Variants in EP300 observed in about 807,000 individuals in gnomAD.
EP300 encodes histone acetyltransferase p300.
In EP300, 31 loss-of-function variants were observed where a neutral mutation model predicts 264.0. The observed-to-expected ratio is 0.12, with a 90% CI of 0.09 to 0.16. The LOEUF is 0.16. EP300 is among the 10% of genes least tolerant of loss of function. The pLI, the probability that EP300 is intolerant of heterozygous loss-of-function variation, is 1.00. For missense variants in EP300, 2,766 were observed against 3,052.9 expected (o/e 0.91, Z 2.21); for synonymous variants, 1,340 against 1,045.4 (o/e 1.28, Z -5.44).
chr22:41,179,957 A>C lies in EP300; in HGVS notation c.*1001A>C, dbSNP rs975026739. 4 of 225,024 alleles carry C rather than the reference A, an allele frequency of 1.8e-5. No individual in the cohort carries two copies. In the South Asian group the frequency reaches 5.6e-4, roughly 31 times the overall value. The allele number at this position is 225,024 out of a possible 1,614,324, so 13.9% of individuals were successfully genotyped here. A position where few individuals can be genotyped will look rare whatever the true frequency, so the allele number is the denominator to read the frequency against. Reference sequence around the variant, plus strand: ...AAACTTGAAAATAGCAAAAACCCTCAACTGTTGTAAATCATGCAATTAAAG... The same window carrying C: ...AAACTTGAAAATAGCAAAAACCCTCCACTGTTGTAAATCATGCAATTAAAG... On this transcript the variant is annotated 3_prime_UTR_variant, in exon 31 of 31. Transcript: ENST00000263253.
rs564268006 is a variant in EP300, at chr22:41,157,246, G to A, written c.3339G>A (p.Glu1113=). The part of the protein sequence containing the change: ...KRKLDTGQYQ[E]PWQYVDDIWL... ...AGTTAGACACTGGACAGTATCAGGAGCCCTGGCAGTATGTCGATGATATTT... is the reference window on the plus strand; with the variant it reads ...AGTTAGACACTGGACAGTATCAGGAACCCTGGCAGTATGTCGATGATATTT... Residue 1113 remains glutamate, a synonymous_variant, in exon 18 of 31, where the codon GAG becomes GAA. Transcript: ENST00000263253. 31 of 1,614,154 alleles carry A rather than the reference G, an allele frequency of 1.9e-5. No individual in the cohort carries two copies. The South Asian group carries it at 2.4e-4, about 13-fold the overall frequency.
chr22:41,168,133 T>G, intron 23 of EP300: 1 of 376,172 alleles, frequency 2.7e-6, no homozygotes. Context: ...CTGTTCTGTA[T>G]TTTTATAAAC....
intron 1 of EP300, among the ~76,000 whole-genome samples, chr22:41,099,497 C>T (rs2058719652): frequency 6.6e-6 from 1 of 152,200 alleles, no homozygotes; most frequent in African/African-American, 2.4e-5. Context: ...AATGCCTTTT[C>T]CATCTTAACT....
intron 29 of EP300, among the ~76,000 whole-genome samples, chr22:41,175,320 T>C (rs550759209): frequency 3.9e-5 from 6 of 152,348 alleles, no homozygotes; most frequent in South Asian, 4.1e-4. Flanking sequence ...TAATCTGTTA[T>C]CAGTACAGCA....
chr22:41,096,991 C>CTA (rs2058706179), intron 1 of EP300, among the ~76,000 whole-genome samples: 1 of 152,128 alleles, frequency 6.6e-6, no homozygotes, highest in East Asian at 1.9e-4. Flanking sequence ...TGATCAAGAC[C>CTA]ATTTATTTTC....
At chr22:41,119,720 G>A (rs1170487932) in intron 2 of EP300, among the ~76,000 whole-genome samples, 1 of 152,140 alleles carries the variant, frequency 6.6e-6, no homozygotes, top group Non-Finnish European at 1.5e-5. Flanking sequence ...TTATATAGAA[G>A]TGAGCAAAAC....
intron 2 of EP300, among the ~76,000 whole-genome samples, chr22:41,121,668 G>C (rs1310261632): frequency 1.3e-5 from 2 of 152,148 alleles, no homozygotes; most frequent in Non-Finnish European, 2.9e-5. Flanking sequence ...TCAGGAATTG[G>C]TTGAAATTCA....
chr22:41,109,113 A>G (rs553790463), intron 1 of EP300, among the ~76,000 whole-genome samples: 3 of 152,222 alleles, frequency 2.0e-5, no homozygotes, highest in Admixed American at 6.5e-5. Context: ...CCATCTCAAC[A>G]AAATAAAAAA....
Position 41,150,077 on chromosome 22 carries a change from C to A in EP300, c.2696C>A (p.Pro899His), listed in dbSNP as rs947661982. 1.2e-6 allele frequency: 2 copies of A among 1,613,828 alleles called. No homozygotes were observed. Among genetic ancestry groups the A allele is most frequent in the Non-Finnish European group, 1.7e-6 (2 of 1,180,046 alleles). The change falls in exon 14 of 31, where the codon CCT becomes CAT. Residue 899 changes from proline (P) to histidine (H), a missense_variant. Coordinates refer to ENST00000263253, the MANE Select transcript of EP300 (RefSeq NM_001429.4). ...PTTQLPQQVQPSLPAAPSADQ... is the reference protein window; with the variant it reads ...PTTQLPQQVQHSLPAAPSADQ... ...ACACAACTTCCCCAACAAGTGCAGC[C>A]TTCACTTCCTGCTGCACCTTCTGCT...
At chr22:41,102,713 ATGGAAAGAAG>A (rs1443020325) in intron 1 of EP300, among the ~76,000 whole-genome samples, 1 of 152,182 alleles carries the variant, frequency 6.6e-6, no homozygotes, top group African/African-American at 2.4e-5. Flanking sequence ...ACCACAGAAG[ATGGAAAGAAG>A]TGGAAAGATT....
In EP300 at chr22:41,179,067, G is replaced by A; in HGVS notation, c.*111G>A. ...CGTAGCCTAAAAGACAATTTTCCTT[G>A]GAACACATAAGAACTGTGCAGTAGC... On this transcript the variant is annotated 3_prime_UTR_variant, in exon 31 of 31. Transcript: ENST00000263253. 4.5e-6 allele frequency: 6 copies of A among 1,338,134 alleles called. No individual in the cohort carries two copies. Among genetic ancestry groups the A allele is most frequent in the South Asian group, 3.8e-5 (3 of 78,346 alleles). 82.9% of individuals were successfully genotyped at this position (1,338,134 alleles called of 1,614,324 possible).
rs1350765920 is a variant in EP300 at position 41,177,147 on chromosome 22, G to A, written c.5436G>A (p.Lys1812=). 2 of 1,613,982 alleles carry A rather than the reference G, an allele frequency of 1.2e-6. No homozygotes were observed. The highest frequency in any genetic ancestry group is 1.7e-6 in the Non-Finnish European group (2 of 1,180,022). Residue 1812 remains lysine (K), a synonymous_variant, in exon 31 of 31, where the codon AAG becomes AAA. Coordinates refer to ENST00000263253, the MANE Select transcript of EP300 (RefSeq NM_001429.4). The part of the protein sequence containing the change: ...PVPFCLNIKQ[K]LRQQQLQHRL... ...CGTTCTGCCTAAACATCAAGCAGAA[G>A]CTCCGGCAGCAACAGCTGCAGCACC...
At chr22:41,111,845 CTCTTTTTTTT>C (rs753086506) in intron 1 of EP300, among the ~76,000 whole-genome samples, 11 of 107,716 alleles carry the variant, frequency 1.0e-4, no homozygotes, top group South Asian at 6.9e-4. Context: ...GGACTTTTTT[CTCTTTTTTTT>C]TCTTTTTTAG....
intron 1 of EP300, among the ~76,000 whole-genome samples, chr22:41,098,337 C>G (rs755487194): frequency 6.6e-6 from 1 of 152,096 alleles, no homozygotes; most frequent in Admixed American, 6.5e-5. Context: ...GTTTTTAGAT[C>G]TAGATTCTTT....
At chr22:41,098,594 A>G (rs149008035) in intron 1 of EP300, among the ~76,000 whole-genome samples, 2,697 of 152,248 alleles carry the variant, frequency 0.018, 75 homozygotes, top group African/African-American at 0.062. Flanking sequence ...GATGGTCTCC[A>G]TACACTGACC....
At chr22:41,137,303 T>C (rs537354280) in intron 7 of EP300, among the ~76,000 whole-genome samples, 88 of 145,252 alleles carry the variant, frequency 6.1e-4, no homozygotes, top group African/African-American at 2.2e-3. Context: ...ATTGCAGTGA[T>C]CTGGGATTGC....
chr22:41,120,807 C>A (rs910334511), intron 2 of EP300, among the ~76,000 whole-genome samples: 2 of 152,202 alleles, frequency 1.3e-5, no homozygotes, highest in Non-Finnish European at 2.9e-5. Flanking sequence ...CAGCCTTGAT[C>A]TCCCAGGCTT....
rs753309224 is a variant in EP300, at chr22:41,158,427, C to A, written c.3517C>A (p.Gln1173Lys). 1 of 1,614,128 alleles carries A rather than the reference C, an allele frequency of 6.2e-7. No homozygotes were observed. Among genetic ancestry groups the A allele is most frequent in the African/African-American group, 1.3e-5 (1 of 75,066 alleles). The change falls in exon 19 of 31, where the codon CAG becomes AAG. Residue 1173 changes from glutamine to lysine, a missense_variant. By Grantham distance (53) the Gln-to-Lys change is moderately conservative. Coordinates refer to ENST00000263253, the MANE Select transcript of EP300 (RefSeq NM_001429.4). ...TCTTTTGCAGTTGGAGTTCTCTCCA[C>A]AGACACTGTGTTGCTACGGCAAACA... ...CCGRKLEFSP[Q>K]TLCCYGKQLC...
chr22:41,100,745 C>T (rs985241305), intron 1 of EP300, among the ~76,000 whole-genome samples: 1 of 152,044 alleles, frequency 6.6e-6, no homozygotes, highest in Non-Finnish European at 1.5e-5. Flanking sequence ...CTACATGTCC[C>T]CTTTATATCA....
Sources: gnomAD v4.1 joint callset for allele counts (sites outside exome capture counted in the v4.1 genomes callset) on GRCh38, gnomAD v4.1.1 for gene constraint, MANE v1.5 for transcripts, NCBI Gene and HGNC (gene_info 2026-07-23, HGNC 2026-07-21) for gene names.